The following HHAT variants were observed in gnomAD, a reference collection of about 807,000 sequenced individuals.
HHAT encodes the protein protein-cysteine N-palmitoyltransferase HHAT.
Under a neutral mutation model 70.8 loss-of-function variants are expected in HHAT, and 47 were observed. The ratio of observed to expected loss-of-function variants is 0.66; its 90% CI spans 0.53 to 0.85. The LOEUF is 0.85. Ranked by LOEUF, HHAT falls within the 40% of genes least tolerant of loss-of-function variation. The pLI is 0.00. For synonymous variants in HHAT, 228 were observed against 247.6 expected (o/e 0.92, Z 0.74); for missense variants, 609 against 604.8 (o/e 1.01, Z -0.07).
At chr1:210,663,434 G>T (rs1343327693) in intron 11 of HHAT, among the ~76,000 whole-genome samples, 1 of 152,206 alleles carries the variant, frequency 6.6e-6, no homozygotes, top group Non-Finnish European at 1.5e-5. Flanking sequence ...CAAGTGTACT[G>T]TGGAGCCACA....
intron 11 of HHAT, among the ~76,000 whole-genome samples, chr1:210,632,323 C>T (rs1045906697): frequency 1.3e-5 from 2 of 152,050 alleles, no homozygotes; most frequent in African/African-American, 4.8e-5. Context: ...ATCGAGTATG[C>T]GGACACACAA....
At chr1:210,616,845 TTACAG>T (rs937845756) in intron 10 of HHAT, among the ~76,000 whole-genome samples, 3 of 151,230 alleles carry the variant, frequency 2.0e-5, no homozygotes, top group Admixed American at 6.6e-5. Flanking sequence ...TTTACCTACT[TTACAG>T]TATAAGTAAA....
chr1:210,377,616 A>T (rs1232757251), intron 3 of HHAT, among the ~76,000 whole-genome samples: 1 of 152,176 alleles, frequency 6.6e-6, no homozygotes, highest in Non-Finnish European at 1.5e-5. Flanking sequence ...TGACCAGAGG[A>T]TGTTACTGAG....
chr1:210,649,472 G>C (rs1386921775), intron 11 of HHAT, among the ~76,000 whole-genome samples: 3 of 152,242 alleles, frequency 2.0e-5, no homozygotes, highest in Non-Finnish European at 4.4e-5. Context: ...GCAGTGATTG[G>C]TAGTGTTGGG....
chr1:210,437,666 C>T (rs1390349632), intron 7 of HHAT, among the ~76,000 whole-genome samples: 1 of 151,792 alleles, frequency 6.6e-6, no homozygotes, highest in Non-Finnish European at 1.5e-5. Context: ...GGCCATGCTA[C>T]CTTGTTATTT....
In HHAT at chr1:210,645,725, G is replaced by A. The variant is rs116455615; in HGVS notation, c.1390+22055G>A. Among the ~76,000 whole-genome samples the A allele has an allele frequency of 1.1e-3, 173 of 152,158 alleles. 1 individual carries two copies. The highest frequency in any genetic ancestry group is 4.1e-3 in the African/African-American group (169 of 41,498). ...TTTGTGCCACTCAAGGTTTAGTCTG[G>A]GACTCGATCATGCTTGAAATGTTAG... On this transcript the variant is annotated intron_variant, in intron 11 of 11. Transcript: ENST00000261458.
chr1:210,614,878 G>A (rs189935263), intron 10 of HHAT, among the ~76,000 whole-genome samples: 2 of 152,284 alleles, frequency 1.3e-5, no homozygotes, highest in East Asian at 3.9e-4. Flanking sequence ...ACATACGTGT[G>A]CATGTGTCTT....
rs141450960 is a variant in HHAT at position 210,417,611 on chromosome 1, T to C, written c.685-543T>C. ...TACTAAGCAAGAGACTTGTTCCACA[T>C]ACTGTCTGCCATGTTTCAAAAAACA... On this transcript the variant is annotated intron_variant, in intron 6 of 11. Transcript: ENST00000261458. Among the ~76,000 whole-genome samples, 88 of 152,356 alleles carry C rather than the reference T, an allele frequency of 5.8e-4. No homozygotes were observed. In the East Asian group the frequency reaches 0.011, roughly 19 times the overall value.
At chr1:210,402,411 AC>A (rs2092122340) in intron 5 of HHAT, among the ~76,000 whole-genome samples, 1 of 152,148 alleles carries the variant, frequency 6.6e-6, no homozygotes, top group Non-Finnish European at 1.5e-5. Context: ...CAATCTGCTT[AC>A]CTTTCCCTTT....
At chr1:210,433,132 T>G (rs2093292591) in intron 7 of HHAT, among the ~76,000 whole-genome samples, 2 of 151,680 alleles carry the variant, frequency 1.3e-5, no homozygotes, top group Admixed American at 6.6e-5. Context: ...CTGGGTAACA[T>G]TCTACCCTGT....
rs144712691 is a variant in HHAT, at chr1:210,431,392, C to T, written c.856+13067C>T. On this transcript the variant is annotated intron_variant, in intron 7 of 11. Transcript: ENST00000261458. ...GGGTAAAGACATGCACGACCGCTCG[C>T]CCATTTTTCTGCTCTTGCTTTATAT... is the stretch of plus-strand genomic sequence containing the variant. Among the ~76,000 whole-genome samples, 485 of 151,848 alleles carry T rather than the reference C, an allele frequency of 3.2e-3. 18 individuals are homozygous for T. The highest frequency in any genetic ancestry group is 0.011 in the African/African-American group (465 of 41,148).
chr1:210,617,277 G>A (rs1667945051), intron 10 of HHAT, among the ~76,000 whole-genome samples: 1 of 152,228 alleles, frequency 6.6e-6, no homozygotes, highest in Admixed American at 6.5e-5. Context: ...TTAAGATTAG[G>A]AAATAAAATG....
At chr1:210,499,837 G>GT (rs2094720480) in intron 8 of HHAT, among the ~76,000 whole-genome samples, 1 of 152,120 alleles carries the variant, frequency 6.6e-6, no homozygotes, top group African/African-American at 2.4e-5. Flanking sequence ...TCTTAGTCAA[G>GT]TAGGGAATAA....
intron 11 of HHAT, among the ~76,000 whole-genome samples, chr1:210,650,824 C>T (rs1674984870): frequency 6.6e-6 from 1 of 152,182 alleles, no homozygotes; most frequent in African/African-American, 2.4e-5. Flanking sequence ...GGACCTGAGG[C>T]AGGCCTATAA....
At chr1:210,624,586 G>C (rs564176931) in intron 11 of HHAT, among the ~76,000 whole-genome samples, 2 of 152,178 alleles carry the variant, frequency 1.3e-5, no homozygotes, top group African/African-American at 4.8e-5. Flanking sequence ...CCAACCTTAT[G>C]TTTAATGTGC....
At chr1:210,387,650 G>C (rs2091183827) in intron 4 of HHAT, 69 bp downstream of exon 4, 2 of 1,224,246 alleles carry the variant, frequency 1.6e-6, no homozygotes, top group African/African-American at 1.5e-5. Context: ...AAGAGTCCAA[G>C]CTAGGAATCG....
chr1:210,358,612 T>C (rs946264439), intron 2 of HHAT, among the ~76,000 whole-genome samples: 1 of 152,188 alleles, frequency 6.6e-6, no homozygotes, highest in East Asian at 1.9e-4. Context: ...CCCCTTCCCA[T>C]TCTCAATGAC....
intron 7 of HHAT, among the ~76,000 whole-genome samples, chr1:210,425,607 C>T: frequency 6.6e-6 from 1 of 152,138 alleles, no homozygotes; most frequent in South Asian, 2.1e-4. Flanking sequence ...AATTATTTCC[C>T]CATTGCTTGT....
At chr1:210,378,468 T>G (rs1250736560) in intron 3 of HHAT, among the ~76,000 whole-genome samples, 1 of 152,194 alleles carries the variant, frequency 6.6e-6, no homozygotes, top group African/African-American at 2.4e-5. Context: ...TATACTGTTT[T>G]CTCTGAAGGA....
Sources: gnomAD v4.1 joint callset for allele counts (sites outside exome capture counted in the v4.1 genomes callset) on GRCh38, gnomAD v4.1.1 for gene constraint, MANE v1.5 for transcripts, NCBI Gene and HGNC (gene_info 2026-07-23, HGNC 2026-07-21) for gene names.